The following KRT82 variants were observed in gnomAD, a reference collection of about 807,000 sequenced individuals.
The protein encoded by KRT82 is keratin 82, also known as keratin, type II cuticular Hb2.
KRT82 carries 44 observed loss-of-function variants against 48.0 expected under a neutral mutation model. The ratio of observed to expected loss-of-function variants is 0.92; its 90% CI spans 0.72 to 1.18. The LOEUF (loss-of-function observed/expected upper bound fraction) is 1.18. KRT82 is among the 50% of genes most tolerant of loss of function. The pLI is 0.00. For missense variants in KRT82, 701 were observed against 671.4 expected (o/e 1.04, Z -0.49); for synonymous variants, 297 against 278.3 (o/e 1.07, Z -0.67).
At chr12:52,400,190 G>A (rs565899356) in intron 4 of KRT82, 41 bp from the exon 5 acceptor site, 2 of 1,588,450 alleles carry the variant, frequency 1.3e-6, no homozygotes, top group Admixed American at 3.4e-5. Context: ...AGCTCTCTGA[G>A]CGTCCGGGGA....
Position 52,406,121 on chromosome 12 carries a change from C to T in KRT82, c.157G>A (p.Gly53Ser). The T allele has an allele frequency of 6.2e-7, 1 of 1,613,106 alleles. No homozygotes were observed. The highest frequency in any genetic ancestry group is 8.5e-7 in the Non-Finnish European group (1 of 1,179,830). Residue 53 changes from glycine (G) to serine (S), a missense_variant, in exon 1 of 9, where the codon GGC (glycine) becomes AGC (serine). By Grantham distance (56) the Gly-to-Ser change is moderately conservative (BLOSUM62 0). Coordinates refer to ENST00000257974, the MANE Select transcript of KRT82 (RefSeq NM_033033.4). ...GRGLRALGCL[G>S]SRSLCNVGFG... ...CCCACGTTGCACAGGCTCCGTGAGC[C>T]AAGGCAGCCCAGAGCTCGGAGGCCC... is the stretch of plus-strand genomic sequence containing the variant.
chr12:52,400,239 A>T, intron 4 of KRT82, 90 bp from the exon 5 acceptor site: 4 of 1,302,000 alleles, frequency 3.1e-6, no homozygotes, highest in Non-Finnish European at 4.3e-6. Context: ...TTCCCAGAGC[A>T]GAGTGCATAG....
At position 52,406,021 on chromosome 12, in the gene KRT82, C is replaced by A; in HGVS notation, c.257G>T (p.Cys86Phe). 5 of 1,614,224 alleles carry A rather than the reference C, an allele frequency of 3.1e-6. No individual in the cohort carries two copies. Among genetic ancestry groups the A allele is most frequent in the Non-Finnish European group, 4.2e-6 (5 of 1,180,038 alleles). ...AGGGGTGATGCAGGCAGAAGGCCCA[C>A]AGGTGGCTCCCAGTCGGTACCCGAA... is the stretch of plus-strand genomic sequence containing the variant. ...PGFGYRLGAT[C>F]GPSACITPVT... The change falls in exon 1 of 9, where the codon TGT becomes TTT. Residue 86 changes from cysteine (C) to phenylalanine (F), a missense_variant. Physicochemically the swap from Cys to Phe is radical, Grantham distance 205. Transcript: ENST00000257974.
chr12:52,400,408 C>G, intron 4 of KRT82, 119 bp downstream of exon 4: 1 of 802,864 alleles, frequency 1.2e-6, no homozygotes, highest in South Asian at 1.6e-5. Context: ...AACGTCTCTA[C>G]AGTGCGGACC....
chr12:52,403,175 G>A (rs1939810963), intron 2 of KRT82, among the ~76,000 whole-genome samples: 1 of 152,224 alleles, frequency 6.6e-6, no homozygotes, highest in Admixed American at 6.5e-5. Context: ...TGAGGCAGAA[G>A]GAGCTAGAGC....
At chr12:52,399,239 C>T (rs114809188) in intron 5 of KRT82, among the ~76,000 whole-genome samples, 286 of 152,308 alleles carry the variant, frequency 1.9e-3, no homozygotes, top group African/African-American at 6.5e-3. Context: ...CACTTATGTG[C>T]CTTGTTTATC....
chr12:52,398,420 T>A (rs1003007614), intron 5 of KRT82, among the ~76,000 whole-genome samples: 3 of 152,006 alleles, frequency 2.0e-5, no homozygotes, highest in African/African-American at 7.3e-5. Flanking sequence ...CTCTGTGTCA[T>A]CCTGGGCAGT....
intron 3 of KRT82, 77 bp downstream of exon 3, chr12:52,401,212 G>T: frequency 8.0e-7 from 1 of 1,253,246 alleles, no homozygotes; most frequent in Non-Finnish European, 1.2e-6. Flanking sequence ...GACACGTTTG[G>T]ACTGAGTTCA....
rs1204853879 is a variant in KRT82 at position 52,400,090 on chromosome 12, G to A, written c.837C>T (p.Asn279=). The A allele has an allele frequency of 1.9e-6, 3 of 1,614,168 alleles. No homozygotes were observed. The highest frequency in any genetic ancestry group is 2.5e-6 in the Non-Finnish European group (3 of 1,179,986). ...TGCCGTCCACGTCCAGCTCCCGGCT[G>A]TTGTCCATCTTCACAATGACCGAGG... ...SETSVIVKMD[N]SRELDVDGII... The change falls in exon 5 of 9, where the codon AAC becomes AAT. Residue 279 remains asparagine, a synonymous_variant. Coordinates refer to ENST00000257974, the MANE Select transcript of KRT82 (RefSeq NM_033033.4).
chr12:52,399,606 C>T (rs895783140), intron 5 of KRT82, among the ~76,000 whole-genome samples: 1 of 152,242 alleles, frequency 6.6e-6, no homozygotes, highest in East Asian at 1.9e-4. Context: ...TGCCACTAGC[C>T]TCCTCCCACG....
intron 3 of KRT82, among the ~76,000 whole-genome samples, 171 bp from the exon 4 acceptor site, chr12:52,400,793 G>T (rs1565782518): frequency 1.3e-5 from 2 of 152,170 alleles, no homozygotes; most frequent in Non-Finnish European, 2.9e-5. Context: ...CCCCAGGCCT[G>T]GGCCTGGCTT....
chr12:52,405,095 G>A (rs1361842475), intron 1 of KRT82, among the ~76,000 whole-genome samples: 1 of 152,228 alleles, frequency 6.6e-6, no homozygotes, highest in Non-Finnish European at 1.5e-5. Flanking sequence ...AGGCTGTTGA[G>A]TCCTTCAGCA....
Position 52,396,865 on chromosome 12 carries a change from A to G in KRT82, c.1068+18T>C. On this transcript the variant is annotated intron_variant, in intron 6 of 8. Coordinates refer to ENST00000257974, the MANE Select transcript of KRT82 (RefSeq NM_033033.4). The stretch of plus-strand genomic sequence containing the variant: ...CCCAGGATGGCTGTTGCAGCAAGGA[A>G]GTCCTCCCCAGCCTCACCTGGGCTT... The G allele has an allele frequency of 6.2e-7, 1 of 1,613,292 alleles. No individual in the cohort carries two copies. The highest frequency in any genetic ancestry group is 8.5e-7 in the Non-Finnish European group (1 of 1,179,900).
At chr12:52,397,364 G>A (rs1488362348) in intron 5 of KRT82, among the ~76,000 whole-genome samples, 2 of 152,126 alleles carry the variant, frequency 1.3e-5, no homozygotes, top group Non-Finnish European at 2.9e-5. Context: ...GAACTTGGAA[G>A]GGGTTTCTGT....
At chr12:52,403,568 A>C in intron 2 of KRT82, 133 bp downstream of exon 2, 1 of 673,980 alleles carries the variant, frequency 1.5e-6, no homozygotes, top group East Asian at 2.5e-5. Flanking sequence ...TGCTGACACC[A>C]TCCCACCTAA....
rs912542863 is a variant in KRT82, at chr12:52,404,278, TG to T, written c.412-370del. ...CACTTTGCTTCCCAAAGCTCCTACC[TG>T]GGACAGTGTATGGGAAGGGACTCTG... is the stretch of plus-strand genomic sequence containing the variant. On this transcript the variant is annotated intron_variant, in intron 1 of 8. Transcript: ENST00000257974. 3.0e-4 allele frequency among the ~76,000 whole-genome samples: 45 copies of T among 152,300 alleles called. 2 individuals are homozygous for T. The highest frequency in any genetic ancestry group is 2.1e-3 in the Admixed American group (32 of 15,300).
intron 7 of KRT82, 106 bp from the exon 8 acceptor site, chr12:52,395,896 G>A: frequency 1.3e-6 from 2 of 1,482,420 alleles, no homozygotes; most frequent in Non-Finnish European, 1.8e-6. Context: ...GCTGCTGTGG[G>A]TTTTCAATGA....
chr12:52,402,814 C>T (rs1939806498), intron 2 of KRT82, among the ~76,000 whole-genome samples: 1 of 152,222 alleles, frequency 6.6e-6, no homozygotes, highest in African/African-American at 2.4e-5. Flanking sequence ...ACTTCACTGA[C>T]CCAAACCCTT....
Position 52,396,124 on chromosome 12 carries a change from T to A in KRT82, c.1177A>T (p.Lys393Ter), listed in dbSNP as rs569207182. The change falls in exon 7 of 9, where the codon AAG becomes TAG. Residue 393 changes from lysine to a stop codon, truncating the protein, a stop_gained. Transcript: ENST00000257974. LOFTEE classifies it high-confidence loss of function. Reference protein sequence around the residue: ...AGLEEALQKAKQDMACLLKEY... With the variant: ...AGLEEALQKA ...TTGAGCAGGCAGGCCATGTCCTGCTTGGCCTTCTGCAGAGCCTCCTCCAGC... is the reference window on the plus strand; with the variant it reads ...TTGAGCAGGCAGGCCATGTCCTGCTAGGCCTTCTGCAGAGCCTCCTCCAGC... 6.2e-7 allele frequency: 1 copy of A among 1,614,204 alleles called. No homozygotes were observed. The highest frequency in any genetic ancestry group is 1.3e-5 in the African/African-American group (1 of 75,060).
Sources: allele counts gnomAD v4.1 joint callset (sites outside exome capture counted in the v4.1 genomes callset), GRCh38; gene constraint gnomAD v4.1.1; transcripts MANE v1.5; gene names NCBI Gene and HGNC (gene_info 2026-07-23, HGNC 2026-07-21).